The following GABRB1 variants were observed in gnomAD, a reference collection of about 807,000 sequenced individuals.
The protein encoded by GABRB1 is gamma-aminobutyric acid receptor subunit beta-1.
In GABRB1, 17 loss-of-function variants were observed where a neutral mutation model predicts 51.6. The observed-to-expected ratio is 0.33, with a 90% confidence interval of 0.23 to 0.49. The LOEUF (loss-of-function observed/expected upper bound fraction) is 0.49. GABRB1 is among the 20% of genes least tolerant of loss of function. GABRB1 has a pLI of 0.99. For missense variants in GABRB1, 410 were observed against 600.6 expected, an observed-to-expected ratio of 0.68 and a Z score of 3.32; for synonymous variants, 247 against 218.9, an observed-to-expected ratio of 1.13 and a Z score of -1.14.
At chr4:47,117,282 A>G (rs190759524) in intron 3 of GABRB1, among the ~76,000 whole-genome samples, 105 of 152,346 alleles carry the variant, frequency 6.9e-4, no homozygotes, top group African/African-American at 2.3e-3. Flanking sequence ...GAGTTCGCTC[A>G]TATAAAAATA....
chr4:47,281,629 G>C (rs2109908235), intron 4 of GABRB1, among the ~76,000 whole-genome samples: 1 of 152,206 alleles, frequency 6.6e-6, no homozygotes, highest in African/African-American at 2.4e-5. Context: ...CAATAGCCAA[G>C]ATATGGAAGC....
At chr4:47,019,649 T>C (rs1378217835) in intron 1 of GABRB1, among the ~76,000 whole-genome samples, 7 of 140,878 alleles carry the variant, frequency 5.0e-5, no homozygotes, top group Admixed American at 7.5e-5. Context: ...CTTTCTTTCT[T>C]TCTTTCTTTC....
chr4:47,123,783 T>TTA lies in GABRB1; in HGVS notation c.241-37459_241-37458dup, dbSNP rs1418554672. 4.4e-5 allele frequency among the ~76,000 whole-genome samples: 4 copies of TTA among 90,166 alleles called. 1 individual carries two copies. The highest frequency in any genetic ancestry group is 1.8e-4 in the African/African-American group (4 of 21,850). 59.2% of individuals were successfully genotyped at this position (90,166 alleles called of 152,430 possible). ...ATAATATATTATATATCATATATTA[T>TTA]TATATATAATATATTATATATCATA... is the stretch of plus-strand genomic sequence containing the variant. On this transcript the variant is annotated intron_variant, in intron 3 of 8. Transcript: ENST00000295454.
At chr4:47,368,544 T>C (rs1727073036) in intron 5 of GABRB1, among the ~76,000 whole-genome samples, 1 of 152,140 alleles carries the variant, frequency 6.6e-6, no homozygotes, top group Admixed American at 6.5e-5. Context: ...CAAAATCTAA[T>C]GGTGATAACA....
intron 3 of GABRB1, among the ~76,000 whole-genome samples, chr4:47,092,802 A>G (rs868720384): frequency 2.0e-5 from 3 of 151,742 alleles, no homozygotes; most frequent in Non-Finnish European, 2.9e-5. Flanking sequence ...TTTAGTAGAG[A>G]TGTGGTTTCG....
At chr4:47,021,887 C>G (rs1724939856) in intron 1 of GABRB1, among the ~76,000 whole-genome samples, 6 of 151,848 alleles carry the variant, frequency 4.0e-5, no homozygotes, top group Admixed American at 3.3e-4. Context: ...ACTTACTATA[C>G]AAAAAAGACT....
chr4:47,324,531 C>T (rs1000632816), intron 5 of GABRB1, among the ~76,000 whole-genome samples: 3 of 152,176 alleles, frequency 2.0e-5, no homozygotes, highest in African/African-American at 7.2e-5. Flanking sequence ...AAAGGATAAT[C>T]TATATCTGTT....
At chr4:47,199,794 T>C (rs1427715891) in intron 4 of GABRB1, among the ~76,000 whole-genome samples, 1 of 152,106 alleles carries the variant, frequency 6.6e-6, no homozygotes, top group Admixed American at 6.6e-5. Context: ...AAATGTTCAA[T>C]GTTGGAAGAA....
intron 8 of GABRB1, among the ~76,000 whole-genome samples, chr4:47,407,398 A>T (rs1026645576): frequency 3.3e-5 from 5 of 152,182 alleles, no homozygotes; most frequent in African/African-American, 9.7e-5. Flanking sequence ...CAGTGTCCTC[A>T]TCCATAAAAT....
chr4:47,403,261 G>A (rs1728459594), intron 5 of GABRB1, 57 bp from the exon 6 acceptor site: 2 of 1,591,172 alleles, frequency 1.3e-6, no homozygotes, highest in Non-Finnish European at 1.7e-6. Context: ...GCTCCCAGAT[G>A]GTATTCAAAA....
At chr4:47,399,855 A>C (rs2110047376) in intron 5 of GABRB1, among the ~76,000 whole-genome samples, 1 of 152,304 alleles carries the variant, frequency 6.6e-6, no homozygotes, top group Middle Eastern at 3.4e-3. Flanking sequence ...AACACCTTGC[A>C]CTTTCTGTCT....
At chr4:47,229,420 C>T (rs565131446) in intron 4 of GABRB1, among the ~76,000 whole-genome samples, 1 of 152,278 alleles carries the variant, frequency 6.6e-6, no homozygotes, top group South Asian at 2.1e-4. Context: ...TTGTGTGACA[C>T]TCAAGTGTAG....
intron 4 of GABRB1, among the ~76,000 whole-genome samples, chr4:47,246,960 C>A (rs1721788488): frequency 6.6e-6 from 1 of 151,884 alleles, no homozygotes; most frequent in African/African-American, 2.4e-5. Flanking sequence ...AGATTTTCTC[C>A]CACTCTGTAG....
intron 3 of GABRB1, among the ~76,000 whole-genome samples, chr4:47,065,949 G>A (rs1425859864): frequency 6.6e-6 from 1 of 152,186 alleles, no homozygotes; most frequent in African/African-American, 2.4e-5. Context: ...TCTGTACTGT[G>A]TGTCAGGCTA....
chr4:47,375,017 A>G (rs904580658), intron 5 of GABRB1, among the ~76,000 whole-genome samples: 6 of 152,260 alleles, frequency 3.9e-5, no homozygotes, highest in African/African-American at 1.4e-4. Context: ...TTTTTACCAC[A>G]TGGATATTTT....
chr4:47,387,994 C>T (rs986584553), intron 5 of GABRB1, among the ~76,000 whole-genome samples: 2 of 152,160 alleles, frequency 1.3e-5, no homozygotes, highest in Non-Finnish European at 2.9e-5. Context: ...GGAAGGAGAT[C>T]TTGGCCGTTG....
At position 47,031,995 on chromosome 4, in the gene GABRB1, G is replaced by T. The variant is rs894366963; in HGVS notation, c.162G>T (p.Pro54=). The T allele has an allele frequency of 6.2e-7, 1 of 1,612,502 alleles. No homozygotes were observed. Among genetic ancestry groups the T allele is most frequent in the South Asian group, 1.1e-5 (1 of 91,024 alleles). Residue 54 remains proline (P), a synonymous_variant, in exon 2 of 9, where the codon CCG becomes CCT. Coordinates refer to ENST00000295454, the MANE Select transcript of GABRB1 (RefSeq NM_000812.4). ...AAGGATATGACATTCGCTTGCGGCC[G>T]GACTTCGGAGGTAACGCTTCATCTT... ...LLKGYDIRLR[P]DFGGPPVDVG...
intron 3 of GABRB1, among the ~76,000 whole-genome samples, chr4:47,121,434 A>T (rs1227146518): frequency 1.3e-5 from 2 of 152,130 alleles, no homozygotes; most frequent in Non-Finnish European, 2.9e-5. Context: ...AAGTACTGTG[A>T]TCACTCACCT....
chr4:47,220,573 A>C (rs977096788), intron 4 of GABRB1, among the ~76,000 whole-genome samples: 2 of 151,954 alleles, frequency 1.3e-5, no homozygotes. Context: ...AATGAAAATG[A>C]GCATACATAA....
Sources: gnomAD v4.1 joint callset for allele counts (sites outside exome capture counted in the v4.1 genomes callset) on GRCh38, gnomAD v4.1.1 for gene constraint, MANE v1.5 for transcripts, NCBI Gene and HGNC (gene_info 2026-07-23, HGNC 2026-07-21) for gene names.